The following PPP4R1 variants were observed in gnomAD, a reference collection of about 807,000 sequenced individuals.
PPP4R1 encodes the protein protein phosphatase 4 regulatory subunit 1.
PPP4R1 carries 42 observed loss-of-function variants against 111.2 expected under a neutral mutation model. That is an observed-to-expected ratio of 0.38 (90% CI 0.29 to 0.49). PPP4R1 has a LOEUF of 0.49. Ranked by LOEUF, PPP4R1 falls within the 20% of genes least tolerant of loss-of-function variation. The probability of loss-of-function intolerance (pLI) is 0.97; values close to 1 mark genes in which losing one functional copy is unlikely to be tolerated. For missense variants in PPP4R1, 1,012 were observed against 1,161.6 expected (o/e 0.87, Z 1.87); for synonymous variants, 409 against 405.5 (o/e 1.01, Z -0.10).
rs1268465834 is a variant in PPP4R1, at chr18:9,584,847, A to C, written c.586-19T>G. On this transcript the variant is annotated intron_variant, in intron 6 of 19. Coordinates refer to ENST00000400556, the MANE Select transcript of PPP4R1 (RefSeq NM_001042388.3). ...ACATTATCTAAAATAAGTAAGAACA[A>C]ACACACACTGAAAATATCAAGTAAG... is the stretch of plus-strand genomic sequence containing the variant. 1.3e-6 allele frequency: 2 copies of C among 1,545,624 alleles called. No individual in the cohort carries two copies. Among genetic ancestry groups the C allele is most frequent in the Admixed American group, 1.8e-5 (1 of 57,094 alleles).
At chr18:9,595,228 C>A (rs2145260135) in intron 2 of PPP4R1, 75 bp from the exon 3 acceptor site, 1 of 1,422,266 alleles carries the variant, frequency 7.0e-7, no homozygotes, top group Non-Finnish European at 9.5e-7. Flanking sequence ...TGAAGCAGTA[C>A]AAATCTGTTT....
At chr18:9,586,292 T>C (rs2067115510) in intron 6 of PPP4R1, among the ~76,000 whole-genome samples, 1 of 152,086 alleles carries the variant, frequency 6.6e-6, no homozygotes, top group South Asian at 2.1e-4. Flanking sequence ...AAATTTTTTA[T>C]TGTAATGTTT....
chr18:9,598,816 G>C (rs980595802), intron 2 of PPP4R1, among the ~76,000 whole-genome samples: 9 of 151,952 alleles, frequency 5.9e-5, no homozygotes, highest in African/African-American at 2.2e-4. Flanking sequence ...CTTGAGCTCA[G>C]GAGTTCAAGA....
chr18:9,573,747 G>T (rs2066897034), intron 10 of PPP4R1, among the ~76,000 whole-genome samples: 1 of 152,142 alleles, frequency 6.6e-6, no homozygotes, highest in African/African-American at 2.4e-5. Context: ...ACAGGGCCTT[G>T]AAGTTCCTTG....
chr18:9,608,862 A>T (rs2145353385), intron 2 of PPP4R1, among the ~76,000 whole-genome samples: 1 of 152,336 alleles, frequency 6.6e-6, no homozygotes, highest in South Asian at 2.1e-4. Flanking sequence ...AGAAATAATA[A>T]ACCAGAGATC....
chr18:9,614,770 G>C (rs1467395609), upstream of PPP4R1: 1 of 147,652 alleles, frequency 6.8e-6, no homozygotes, highest in African/African-American at 2.4e-5. The surrounding 1 kb of genome is among the most constrained non-coding windows in gnomAD (Gnocchi z 4.1). Flanking sequence ...TGCTTGCCGG[G>C]TCCCGGCCCG....
chr18:9,580,793 G>A (rs979936734), intron 9 of PPP4R1, among the ~76,000 whole-genome samples: 2 of 152,202 alleles, frequency 1.3e-5, no homozygotes, highest in Non-Finnish European at 2.9e-5. Flanking sequence ...GTCCAGTCCT[G>A]AGTGAGAGCA....
At chr18:9,567,935 T>C (rs974984634) in intron 11 of PPP4R1, among the ~76,000 whole-genome samples, 5 of 152,212 alleles carry the variant, frequency 3.3e-5, no homozygotes, top group African/African-American at 1.2e-4. Context: ...GCTCAGATGA[T>C]CATCAGCATT....
intron 13 of PPP4R1, among the ~76,000 whole-genome samples, chr18:9,561,525 G>A (rs751143554): frequency 5.3e-5 from 8 of 152,234 alleles, no homozygotes; most frequent in Non-Finnish European, 8.8e-5. Context: ...CAATGATTCC[G>A]TGAGCACAGT....
chr18:9,576,651 C>T (rs2066939884), intron 10 of PPP4R1, among the ~76,000 whole-genome samples: 1 of 152,052 alleles, frequency 6.6e-6, no homozygotes, highest in African/African-American at 2.4e-5. Context: ...AAAACATATT[C>T]CTAAATTAAG....
At chr18:9,608,040 TC>T in intron 2 of PPP4R1, among the ~76,000 whole-genome samples, 1 of 98,206 alleles carries the variant, frequency 1.0e-5, no homozygotes, top group African/African-American at 3.8e-5. Context: ...CGCCTCGTTC[TC>T]CCAAAGTGCT....
In PPP4R1 at chr18:9,570,485, G is replaced by A. The variant is rs903181139; in HGVS notation, c.1245C>T (p.His415=). 6.2e-7 allele frequency: 1 copy of A among 1,614,150 alleles called. No individual in the cohort carries two copies. Among genetic ancestry groups the A allele is most frequent in the South Asian group, 1.1e-5 (1 of 91,086 alleles). ...SLLCTLSSES[H]QEAASNENDK... is the part of the protein sequence containing the mutation. ...CATTCTCATTACTAGCTGCTTCCTG[G>A]TGAGATTCTGAGGACAAAGTACAAA... Residue 415 remains histidine (H), a synonymous_variant, in exon 11 of 20, where the codon CAC becomes CAT. Coordinates refer to ENST00000400556, the MANE Select transcript of PPP4R1 (RefSeq NM_001042388.3).
intron 11 of PPP4R1, among the ~76,000 whole-genome samples, chr18:9,565,698 T>G (rs1285698081): frequency 6.6e-6 from 1 of 152,216 alleles, no homozygotes; most frequent in Non-Finnish European, 1.5e-5. Flanking sequence ...AGGCCCTAAC[T>G]GGCTTCAATT....
Position 9,595,060 on chromosome 18 carries a change from C to T in PPP4R1, c.146G>A (p.Gly49Glu), listed in dbSNP as rs1391984185. The change falls in exon 3 of 20, where the codon GGG becomes GAG. Residue 49 changes from glycine (G) to glutamate (E), a missense_variant. Around this residue, in one of 2 missense-constraint regions of PPP4R1, gnomAD observed 707 missense variants for 742.1 expected, o/e 0.95. Transcript: ENST00000400556. ...VSQDEMLTPL[G>E]RLDKYAASEN... Reference sequence around the variant, plus strand: ...ACTTGCAGCATACTTGTCCAATCTCCCCAGGGGCGTCAACATTTCATCTTG... The same window carrying T: ...ACTTGCAGCATACTTGTCCAATCTCTCCAGGGGCGTCAACATTTCATCTTG... 2 of 1,614,002 alleles carry T rather than the reference C, an allele frequency of 1.2e-6. No individual in the cohort carries two copies. Among genetic ancestry groups the T allele is most frequent in the East Asian group, 2.2e-5 (1 of 44,870 alleles).
At chr18:9,577,458 A>C (rs946535163) in intron 9 of PPP4R1, among the ~76,000 whole-genome samples, 4 of 152,226 alleles carry the variant, frequency 2.6e-5, no homozygotes, top group African/African-American at 9.6e-5. Context: ...TGAGTCCAGC[A>C]GTTTGAGACC....
chr18:9,616,667 C>G (rs1473372698), upstream of PPP4R1, among the ~76,000 whole-genome samples: 1 of 133,294 alleles, frequency 7.5e-6, no homozygotes, highest in Non-Finnish European at 1.7e-5. Flanking sequence ...TGCACTAAGA[C>G]AAAACTGTCT....
rs2066423122 is a variant in PPP4R1 at position 9,547,802 on chromosome 18, G to A, written c.2840C>T (p.Ser947Phe). ...KISEDAMSTA[S>F]STY ...GATTCAAGCCTTCTAGTAGGTTGAG[G>A]ACGCTGTGCTCATGGCATCTTCGGA... is the stretch of plus-strand genomic sequence containing the variant. Residue 947 changes from serine (S) to phenylalanine (F), a missense_variant, in exon 20 of 20, where the codon TCC becomes TTC. Transcript: ENST00000400556. The A allele has an allele frequency of 6.2e-7, 1 of 1,613,036 alleles. No homozygotes were observed. The highest frequency in any genetic ancestry group is 1.3e-5 in the African/African-American group (1 of 74,898).
intron 2 of PPP4R1, among the ~76,000 whole-genome samples, chr18:9,610,469 A>AC (rs199839773): frequency 6.6e-6 from 1 of 151,298 alleles, no homozygotes; most frequent in African/African-American, 2.4e-5. Context: ...ATTCTCCTAA[A>AC]CTTTTTTTTT....
intron 14 of PPP4R1, among the ~76,000 whole-genome samples, chr18:9,558,489 C>T (rs985839228): frequency 2.0e-5 from 3 of 152,166 alleles, no homozygotes; most frequent in Non-Finnish European, 4.4e-5. Context: ...CAGATAAATT[C>T]ACTTCTTCTG....
Sources: allele counts gnomAD v4.1 joint callset (sites outside exome capture counted in the v4.1 genomes callset), GRCh38; gene constraint gnomAD v4.1.1; regional missense constraint gnomAD v4.1.1; non-coding constraint Gnocchi (gnomAD v3.1); transcripts MANE v1.5; gene names NCBI Gene and HGNC (gene_info 2026-07-23, HGNC 2026-07-21).